FAM184B: variants seen among roughly 807,000 people sequenced by gnomAD.
The protein encoded by FAM184B is protein FAM184B.
In FAM184B, 111 loss-of-function variants were observed where a neutral mutation model predicts 135.9. The ratio of observed to expected loss-of-function variants is 0.82; its 90% CI spans 0.70 to 0.96. The LOEUF (loss-of-function observed/expected upper bound fraction) is 0.96, where lower values mean the gene tolerates loss of function less well. FAM184B is among the 40% of genes least tolerant of loss of function. FAM184B has a pLI of 0.00. For missense variants in FAM184B, 1,375 were observed against 1,323.9 expected (o/e 1.04, Z -0.60); for synonymous variants, 552 against 524.8 (o/e 1.05, Z -0.71).
chr4:17,657,718 A>T (rs1161259752), intron 10 of FAM184B, among the ~76,000 whole-genome samples: 1 of 135,010 alleles, frequency 7.4e-6, no homozygotes. Flanking sequence ...ATGCAATGGC[A>T]TAGTCTTGGC....
At chr4:17,707,930 T>C in intron 2 of FAM184B, 146 bp from the exon 3 acceptor site, 1 of 812,844 alleles carries the variant, frequency 1.2e-6, no homozygotes, top group Non-Finnish European at 1.9e-6. Flanking sequence ...CCAGGGCTCA[T>C]CAAATCTCTC....
intron 7 of FAM184B, among the ~76,000 whole-genome samples, chr4:17,687,723 A>C (rs1350851444): frequency 6.6e-6 from 1 of 152,150 alleles, no homozygotes; most frequent in African/African-American, 2.4e-5. Flanking sequence ...GTTTGCAAGG[A>C]AGACTTGGCC....
intron 1 of FAM184B, among the ~76,000 whole-genome samples, chr4:17,733,484 G>C (rs1366442913): frequency 6.6e-6 from 1 of 152,210 alleles, no homozygotes; most frequent in African/African-American, 2.4e-5. Context: ...CTTCAGCAAA[G>C]TCTCAGGGTA....
intron 1 of FAM184B, among the ~76,000 whole-genome samples, chr4:17,766,808 G>A (rs954866847): frequency 9.2e-5 from 14 of 152,244 alleles, no homozygotes; most frequent in African/African-American, 2.4e-4. Flanking sequence ...CAGAGCACCC[G>A]CACTCCTCAG....
At chr4:17,765,813 G>A (rs1260361417) in intron 1 of FAM184B, among the ~76,000 whole-genome samples, 1 of 152,210 alleles carries the variant, frequency 6.6e-6, no homozygotes, top group Non-Finnish European at 1.5e-5. Context: ...TCCAGAGTTT[G>A]TTCCTTCTGA....
chr4:17,651,718 A>T (rs1314537663), intron 11 of FAM184B, among the ~76,000 whole-genome samples: 1 of 152,062 alleles, frequency 6.6e-6, no homozygotes, highest in African/African-American at 2.4e-5. Flanking sequence ...CATTTTAGAG[A>T]TGGGAGACTG....
At chr4:17,637,028 CT>C (rs966128863) in intron 14 of FAM184B, among the ~76,000 whole-genome samples, 2 of 151,844 alleles carry the variant, frequency 1.3e-5, no homozygotes, top group South Asian at 2.1e-4. Context: ...TACCTATGGC[CT>C]TTTTTTTCTT....
chr4:17,707,875 G>C (rs528568177), intron 2 of FAM184B, 91 bp from the exon 3 acceptor site: 4 of 1,436,658 alleles, frequency 2.8e-6, no homozygotes, highest in Non-Finnish European at 3.8e-6. Flanking sequence ...CCTGAAAGGC[G>C]GGTATATGCA....
At chr4:17,643,333 C>T (rs1577243639) in intron 12 of FAM184B, among the ~76,000 whole-genome samples, 1 of 152,056 alleles carries the variant, frequency 6.6e-6, no homozygotes, top group Admixed American at 6.6e-5. Context: ...TCCTCTTTGC[C>T]GACACCCCTG....
At chr4:17,678,719 A>G (rs1010978156) in intron 7 of FAM184B, among the ~76,000 whole-genome samples, 4 of 152,196 alleles carry the variant, frequency 2.6e-5, no homozygotes, top group Admixed American at 6.5e-5. Context: ...CCACACAGCC[A>G]AAGCAAGGCT....
intron 7 of FAM184B, among the ~76,000 whole-genome samples, chr4:17,680,460 C>T (rs1043564428): frequency 1.3e-5 from 2 of 152,042 alleles, no homozygotes; most frequent in Admixed American, 6.6e-5. Context: ...CCACCTGTTC[C>T]CCAAAACCCT....
intron 5 of FAM184B, among the ~76,000 whole-genome samples, chr4:17,696,204 T>G (rs1234366647): frequency 6.6e-6 from 1 of 152,170 alleles, no homozygotes; most frequent in African/African-American, 2.4e-5. Context: ...GAAATGAAAC[T>G]TAAAGAGGTT....
intron 11 of FAM184B, among the ~76,000 whole-genome samples, chr4:17,649,883 C>T (rs6845404): frequency 1.9e-3 from 119 of 63,510 alleles, no homozygotes; most frequent in Middle Eastern, 0.014. Context: ...CATCCATCCA[C>T]CCATCTATCT....
At chr4:17,675,733 C>T (rs1716297780) in intron 7 of FAM184B, among the ~76,000 whole-genome samples, 2 of 152,176 alleles carry the variant, frequency 1.3e-5, no homozygotes, top group African/African-American at 4.8e-5. Flanking sequence ...TCTCCATCAG[C>T]GCTTGCTGCT....
intron 11 of FAM184B, among the ~76,000 whole-genome samples, chr4:17,652,146 T>TTTTTTTTTTTTTTTTTTTTG (rs762642185): frequency 7.6e-6 from 1 of 131,934 alleles, no homozygotes; most frequent in Non-Finnish European, 1.6e-5. Flanking sequence ...TTTTTTTTTT[T>TTTTTTTTTTTTTTTTTTTTG]TTGAGTCTTG....
intron 10 of FAM184B, among the ~76,000 whole-genome samples, chr4:17,654,077 C>T (rs1577248488): frequency 6.6e-6 from 1 of 152,036 alleles, no homozygotes; most frequent in African/African-American, 2.4e-5. Flanking sequence ...CTGCCAATTC[C>T]TTGATTTTTG....
chr4:17,645,888 AC>A (rs1715456097), intron 12 of FAM184B, among the ~76,000 whole-genome samples: 2 of 147,474 alleles, frequency 1.4e-5, no homozygotes, highest in South Asian at 4.1e-4. Context: ...CAACAAAAAA[AC>A]AAACAACCCC....
At chr4:17,737,444 A>T (rs1250247788) in intron 1 of FAM184B, among the ~76,000 whole-genome samples, 1 of 152,174 alleles carries the variant, frequency 6.6e-6, no homozygotes, top group Non-Finnish European at 1.5e-5. Flanking sequence ...TGTGCCAGAT[A>T]AACACAATGA....
chr4:17,737,737 T>C (rs1197300978), intron 1 of FAM184B, among the ~76,000 whole-genome samples: 1 of 152,120 alleles, frequency 6.6e-6, no homozygotes, highest in African/African-American at 2.4e-5. Flanking sequence ...TTGGAGCCCA[T>C]AAGACTCCCA....
Sources: gnomAD v4.1 joint callset for allele counts (sites outside exome capture counted in the v4.1 genomes callset) on GRCh38, gnomAD v4.1.1 for gene constraint, MANE v1.5 for transcripts, NCBI Gene and HGNC (gene_info 2026-07-23, HGNC 2026-07-21) for gene names.